SNTG2: variants seen among roughly 807,000 people sequenced by gnomAD.
SNTG2 encodes the protein syntrophin gamma 2, also known as gamma-2-syntrophin.
Under a neutral mutation model 70.9 loss-of-function variants are expected in SNTG2, and 74 were observed. The observed-to-expected ratio is 1.04, with a 90% CI of 0.86 to 1.27. The LOEUF (loss-of-function observed/expected upper bound fraction) is 1.27. Ranked by LOEUF, SNTG2 falls within the 50% of genes most tolerant of loss-of-function variation. SNTG2 has a pLI of 0.00. For missense variants in SNTG2, 717 were observed against 690.7 expected (o/e 1.04, Z -0.43); for synonymous variants, 278 against 273.8 (o/e 1.02, Z -0.15).
intron 16 of SNTG2, among the ~76,000 whole-genome samples, chr2:1,322,192 T>TGATA (rs1681563375): frequency 6.6e-6 from 1 of 152,216 alleles, no homozygotes; most frequent in Non-Finnish European, 1.5e-5. Context: ...AGCAAGTGTA[T>TGATA]TATCATTCAG....
intron 12 of SNTG2, among the ~76,000 whole-genome samples, chr2:1,255,484 G>A (rs1232263842): frequency 1.3e-5 from 2 of 152,122 alleles, no homozygotes; most frequent in East Asian, 1.9e-4. Flanking sequence ...CAGAGATGCC[G>A]AGGCTGTTGC....
At chr2:1,152,237 T>C (rs1669547399) in intron 6 of SNTG2, among the ~76,000 whole-genome samples, 1 of 152,226 alleles carries the variant, frequency 6.6e-6, no homozygotes, top group Admixed American at 6.5e-5. Context: ...GTTCAAATTA[T>C]GGACAATCTA....
At chr2:999,311 G>T (rs1230602965) in intron 1 of SNTG2, among the ~76,000 whole-genome samples, 1 of 151,968 alleles carries the variant, frequency 6.6e-6, no homozygotes, top group Non-Finnish European at 1.5e-5. Context: ...GAACATAAAT[G>T]GATGACATGT....
At chr2:975,799 A>G (rs1660890906) in intron 1 of SNTG2, among the ~76,000 whole-genome samples, 1 of 152,246 alleles carries the variant, frequency 6.6e-6, no homozygotes. Context: ...CTATTGATAT[A>G]TGTCCATATA....
chr2:1,337,777 C>T (rs1160099620), intron 16 of SNTG2, among the ~76,000 whole-genome samples: 3 of 152,070 alleles, frequency 2.0e-5, no homozygotes, highest in East Asian at 3.8e-4. Flanking sequence ...GAAATTGTTG[C>T]CAAACCCAAT....
chr2:1,216,678 A>C (rs538717947), intron 9 of SNTG2, among the ~76,000 whole-genome samples: 1 of 152,366 alleles, frequency 6.6e-6, no homozygotes, highest in East Asian at 1.9e-4. Context: ...ACCCACCAGC[A>C]TGCTGGAGGC....
chr2:1,074,955 T>C (rs1663822569), intron 1 of SNTG2, among the ~76,000 whole-genome samples: 1 of 152,198 alleles, frequency 6.6e-6, no homozygotes, highest in African/African-American at 2.4e-5. Context: ...TAATTATTAT[T>C]TCACTGCGAT....
chr2:1,362,542 T>C (rs146045849), intron 16 of SNTG2, among the ~76,000 whole-genome samples: 77,693 of 112,642 alleles, frequency 0.69, 26,402 homozygotes, highest in East Asian at 0.93. Flanking sequence ...AAGTCACCAA[T>C]GCTGAGCATT....
intron 1 of SNTG2, among the ~76,000 whole-genome samples, chr2:1,060,540 A>G (rs551955593): frequency 1.6e-4 from 25 of 152,182 alleles, no homozygotes; most frequent in Non-Finnish European, 3.1e-4. Context: ...GCCCCTGAGG[A>G]CAGTCTGGCT....
chr2:1,187,014 A>C (rs1672291842), intron 8 of SNTG2, among the ~76,000 whole-genome samples: 1 of 152,196 alleles, frequency 6.6e-6, no homozygotes, highest in African/African-American at 2.4e-5. Flanking sequence ...CAGCACAGGG[A>C]ATGCAGAGGG....
intron 8 of SNTG2, among the ~76,000 whole-genome samples, chr2:1,199,678 GGA>G (rs1673158658): frequency 2.6e-5 from 4 of 151,920 alleles, no homozygotes; most frequent in Non-Finnish European, 5.9e-5. Flanking sequence ...GAAAGTTGCA[GGA>G]TAAAGAATCA....
intron 12 of SNTG2, 43 bp from the exon 13 acceptor site, chr2:1,259,327 A>T: frequency 6.2e-7 from 1 of 1,600,040 alleles, no homozygotes; most frequent in Non-Finnish European, 8.6e-7. Flanking sequence ...TTCAACTAAA[A>T]GTAGCATGCT....
At chr2:1,182,414 G>A (rs1671976743) in intron 8 of SNTG2, among the ~76,000 whole-genome samples, 1 of 144,962 alleles carries the variant, frequency 6.9e-6, no homozygotes, top group Admixed American at 6.8e-5. Context: ...GTAACTAACT[G>A]AATGAATCAA....
chr2:1,021,521 ATT>A (rs1483783407), intron 1 of SNTG2, among the ~76,000 whole-genome samples: 1 of 152,078 alleles, frequency 6.6e-6, no homozygotes, highest in African/African-American at 2.4e-5. Context: ...ATATTTTAAA[ATT>A]TTGTTTAAAT....
rs143376162 is a variant in SNTG2 at position 1,174,226 on chromosome 2, C to T, written c.591+1043C>T. ...TCCATACTCCATTTTCTGGCCTGCC[C>T]AGAGATATAAGGCATCCTGAATTTT... On this transcript the variant is annotated intron_variant, in intron 8 of 16. Transcript: ENST00000308624. Among the ~76,000 whole-genome samples the T allele has an allele frequency of 4.6e-5, 7 of 152,100 alleles. No individual in the cohort carries two copies. In the East Asian group the frequency reaches 1.4e-3, roughly 29 times the overall value.
chr2:1,218,889 T>C (rs1674569670), intron 9 of SNTG2, among the ~76,000 whole-genome samples: 1 of 152,194 alleles, frequency 6.6e-6, no homozygotes. Flanking sequence ...CTTTCTAAGA[T>C]AGTTTATGAA....
At chr2:976,443 G>C (rs1367368576) in intron 1 of SNTG2, among the ~76,000 whole-genome samples, 1 of 152,126 alleles carries the variant, frequency 6.6e-6, no homozygotes, top group African/African-American at 2.4e-5. Context: ...GTTAGTAAAT[G>C]TGGAAGCCAG....
At chr2:1,319,854 A>G (rs560055811) in intron 16 of SNTG2, among the ~76,000 whole-genome samples, 39 of 152,364 alleles carry the variant, frequency 2.6e-4, no homozygotes, top group Middle Eastern at 3.4e-3. Flanking sequence ...CAGCTGGGAA[A>G]TGAAAACTCT....
intron 16 of SNTG2, among the ~76,000 whole-genome samples, chr2:1,318,770 G>T (rs1477649633): frequency 1.3e-5 from 2 of 151,690 alleles, no homozygotes; most frequent in South Asian, 2.1e-4. Context: ...TGCCTTGGGC[G>T]CCATCACCGG....
Sources: allele counts gnomAD v4.1 joint callset (sites outside exome capture counted in the v4.1 genomes callset), GRCh38; gene constraint gnomAD v4.1.1; transcripts MANE v1.5; gene names NCBI Gene and HGNC (gene_info 2026-07-23, HGNC 2026-07-21).